The following MYO16 variants were observed in gnomAD, a reference collection of about 807,000 sequenced individuals.
The protein encoded by MYO16 is myosin XVI.
MYO16 carries 94 observed loss-of-function variants against 205.3 expected under a neutral mutation model. That is an observed-to-expected ratio of 0.46 (90% CI 0.39 to 0.54). MYO16 has a LOEUF of 0.54. Ranked by LOEUF, MYO16 falls within the 20% of genes least tolerant of loss-of-function variation. MYO16 has a pLI of 0.00. For missense variants in MYO16, 2,315 were observed against 2,387.5 expected, an observed-to-expected ratio of 0.97 and a Z score of 0.63; for synonymous variants, 988 against 954.0, an observed-to-expected ratio of 1.04 and a Z score of -0.66.
intron 15 of MYO16, among the ~76,000 whole-genome samples, chr13:108,898,870 A>G (rs1880570506): frequency 6.6e-6 from 1 of 152,210 alleles, no homozygotes; most frequent in Non-Finnish European, 1.5e-5. Flanking sequence ...AATTGTAGGT[A>G]GAATTTTGAT....
chr13:109,107,841 A>ATATTATATTATAT lies in MYO16; in HGVS notation c.3438+6957_3438+6958insTATATTATATTAT, dbSNP rs370218945. Among the ~76,000 whole-genome samples the ATATTATATTATAT allele has an allele frequency of 6.7e-5, 10 of 148,592 alleles. No homozygotes were observed. The South Asian group carries it at 8.4e-4, about 12-fold the overall frequency. Reference sequence around the variant, plus strand: ...ATATTATATTATATTATATTATATTATATGTGTGTGTGTCTGTGTGTGTGT... The same window carrying ATATTATATTATAT: ...ATATTATATTATATTATATTATATTATATTATATTATATTATGTGTGTGTGTCTGTGTGTGTGT... On this transcript the variant is annotated intron_variant, in intron 28 of 34. Transcript: ENST00000457511.
chr13:108,554,059 C>T, the MYO16 span, among the ~76,000 whole-genome samples: 1 of 152,128 alleles, frequency 6.6e-6, no homozygotes, highest in Non-Finnish European at 1.5e-5. Flanking sequence ...CTTGATGTGC[C>T]ATACATAGCA....
intron 4 of MYO16, among the ~76,000 whole-genome samples, chr13:108,753,536 A>T (rs1436062396): frequency 6.6e-6 from 1 of 152,200 alleles, no homozygotes; most frequent in East Asian, 1.9e-4. Flanking sequence ...AGAGGATTCT[A>T]CAAGAGATAT....
chr13:108,808,116 A>C (rs769426630), intron 7 of MYO16, among the ~76,000 whole-genome samples: 4 of 152,090 alleles, frequency 2.6e-5, no homozygotes, highest in African/African-American at 9.7e-5. Context: ...AGAATCCAAA[A>C]TTCTGATTAG....
At chr13:108,894,314 G>T (rs1259841653) in intron 14 of MYO16, among the ~76,000 whole-genome samples, 1 of 152,122 alleles carries the variant, frequency 6.6e-6, no homozygotes, top group Non-Finnish European at 1.5e-5. Flanking sequence ...GGATGTATTG[G>T]GGTGGTCTTC....
chr13:109,092,700 A>T (rs1405343638), intron 27 of MYO16, among the ~76,000 whole-genome samples: 3 of 152,322 alleles, frequency 2.0e-5, no homozygotes, highest in African/African-American at 7.2e-5. Context: ...ACAAACCTTC[A>T]CATGTACCCC....
At chr13:108,988,548 A>G (rs1884716420) in intron 20 of MYO16, among the ~76,000 whole-genome samples, 1 of 152,110 alleles carries the variant, frequency 6.6e-6, no homozygotes, top group African/African-American at 2.4e-5. Context: ...TAAATTACCA[A>G]TTAATAATTC....
chr13:108,689,530 A>G (rs1238579192), intron 2 of MYO16, among the ~76,000 whole-genome samples: 1 of 152,150 alleles, frequency 6.6e-6, no homozygotes, highest in African/African-American at 2.4e-5. Context: ...CTAAGTGAAT[A>G]ATAGAGATTT....
chr13:109,103,967 G>A (rs1334048633), intron 28 of MYO16, among the ~76,000 whole-genome samples: 1 of 151,858 alleles, frequency 6.6e-6, no homozygotes, highest in African/African-American at 2.4e-5. Flanking sequence ...TATTTTATTT[G>A]AGCCTAATAA....
At chr13:108,629,982 T>G in intron 1 of MYO16, 110 bp downstream of exon 1, 1 of 798,508 alleles carries the variant, frequency 1.3e-6, no homozygotes, top group Non-Finnish European at 2.0e-6. Flanking sequence ...TTCAGATGAG[T>G]GACATAGACT....
chr13:109,017,644 G>A (rs1456470800), intron 22 of MYO16, among the ~76,000 whole-genome samples: 2 of 152,032 alleles, frequency 1.3e-5, no homozygotes, highest in Non-Finnish European at 2.9e-5. Context: ...CATATTTTTT[G>A]GAGGCTTTGT....
At chr13:108,556,410 C>T in the MYO16 span, among the ~76,000 whole-genome samples, 4,780 of 152,070 alleles carry the variant, frequency 0.031, 212 homozygotes, top group African/African-American at 0.099. Context: ...TTTGTATACC[C>T]GTTGGCCATT....
chr13:109,031,248 C>T (rs1338570541), intron 23 of MYO16, among the ~76,000 whole-genome samples: 3 of 152,066 alleles, frequency 2.0e-5, no homozygotes, highest in African/African-American at 7.2e-5. Flanking sequence ...CCCACCACCA[C>T]ACCCGGCTGA....
chr13:108,984,220 G>C (rs192155383), intron 20 of MYO16, among the ~76,000 whole-genome samples: 9 of 152,290 alleles, frequency 5.9e-5, no homozygotes, highest in Admixed American at 2.6e-4. Flanking sequence ...GGTCTTAGGA[G>C]AACTGGTAGG....
At chr13:108,685,978 G>T (rs185560228) in intron 2 of MYO16, among the ~76,000 whole-genome samples, 3 of 152,268 alleles carry the variant, frequency 2.0e-5, no homozygotes, top group Admixed American at 6.5e-5. Flanking sequence ...TTGAATAAAC[G>T]GTCACTTTCT....
intron 27 of MYO16, among the ~76,000 whole-genome samples, chr13:109,057,499 CT>C (rs1887450961): frequency 6.6e-6 from 1 of 152,004 alleles, no homozygotes; most frequent in African/African-American, 2.4e-5. Flanking sequence ...TATAATACTT[CT>C]GGGGGTTGTT....
intron 7 of MYO16, among the ~76,000 whole-genome samples, chr13:108,809,079 C>T (rs1887205576): frequency 6.6e-6 from 1 of 152,202 alleles, no homozygotes; most frequent in African/African-American, 2.4e-5. Context: ...ACTCACATGA[C>T]AACTATGCTG....
At chr13:108,914,301 ATCT>A (rs1881394007) in intron 16 of MYO16, among the ~76,000 whole-genome samples, 1 of 151,534 alleles carries the variant, frequency 6.6e-6, no homozygotes, top group African/African-American at 2.4e-5. Flanking sequence ...TTATTGTCAC[ATCT>A]TCTTGTCTGA....
chr13:108,682,927 G>A (rs190140238), intron 2 of MYO16, among the ~76,000 whole-genome samples: 2 of 152,164 alleles, frequency 1.3e-5, no homozygotes, highest in African/African-American at 4.8e-5. Context: ...ATCCCTGCTG[G>A]CAACGTGCCT....
Sources: gnomAD v4.1 joint callset for allele counts (sites outside exome capture counted in the v4.1 genomes callset) on GRCh38, gnomAD v4.1.1 for gene constraint, MANE v1.5 for transcripts, NCBI Gene and HGNC (gene_info 2026-07-23, HGNC 2026-07-21) for gene names.